Variants in SLC5A4 observed in about 807,000 individuals in gnomAD.
SLC5A4 encodes solute carrier family 5 member 4, also known as probable glucose sensor protein SLC5A4.
Under a neutral mutation model 70.3 loss-of-function variants are expected in SLC5A4, and 55 were observed. The observed-to-expected ratio is 0.78, with a 90% confidence interval of 0.63 to 0.98. The LOEUF is 0.98. Among genes scored for constraint, SLC5A4 ranks in the 50% least tolerant of loss-of-function variants. The pLI is 0.00. For synonymous variants in SLC5A4, 268 were observed against 305.7 expected, an observed-to-expected ratio of 0.88 and a Z score of 1.29; for missense variants, 735 against 839.2, an observed-to-expected ratio of 0.88 and a Z score of 1.53.
chr22:32,257,495 C>T (rs752411462), upstream of SLC5A4, among the ~76,000 whole-genome samples: 8 of 152,006 alleles, frequency 5.3e-5, no homozygotes, highest in Non-Finnish European at 1.0e-4. Flanking sequence ...GCTGGGACCA[C>T]AGGCACATGC....
the SLC5A4 span, among the ~76,000 whole-genome samples, chr22:32,263,537 A>G: frequency 6.6e-6 from 1 of 152,234 alleles, no homozygotes; most frequent in Admixed American, 6.5e-5. Context: ...ATCATTAAAA[A>G]GTCAGGAAAC....
At chr22:32,280,431 A>C in the SLC5A4 span, among the ~76,000 whole-genome samples, 1 of 152,060 alleles carries the variant, frequency 6.6e-6, no homozygotes, top group South Asian at 2.1e-4. Context: ...TTGGACCCAC[A>C]CATAGAGCTC....
At chr22:32,294,322 C>T in the SLC5A4 span, among the ~76,000 whole-genome samples, 1 of 152,180 alleles carries the variant, frequency 6.6e-6, no homozygotes, top group Non-Finnish European at 1.5e-5. Flanking sequence ...CCAGTTGTAT[C>T]TAATCTGATT....
chr22:32,279,541 A>T, the SLC5A4 span, among the ~76,000 whole-genome samples: 1 of 152,234 alleles, frequency 6.6e-6, no homozygotes, highest in South Asian at 2.1e-4. Flanking sequence ...CTGTAATCCC[A>T]GCACTTTGGG....
At chr22:32,333,501 T>C in the SLC5A4 span, among the ~76,000 whole-genome samples, 1 of 152,074 alleles carries the variant, frequency 6.6e-6, no homozygotes, top group Admixed American at 6.5e-5. Context: ...AGCCCATGCT[T>C]TTTAATCCTT....
At chr22:32,354,105 C>G in the SLC5A4 span, among the ~76,000 whole-genome samples, 1 of 150,412 alleles carries the variant, frequency 6.6e-6, no homozygotes, top group South Asian at 2.1e-4. Context: ...CTCCCTGGCA[C>G]GCAGTACAGA....
chr22:32,335,012 G>A, the SLC5A4 span, among the ~76,000 whole-genome samples: 4 of 152,210 alleles, frequency 2.6e-5, no homozygotes, highest in Non-Finnish European at 4.4e-5. Flanking sequence ...TGGGCAGGGA[G>A]AGAGCGGGGC....
intron 12 of SLC5A4, among the ~76,000 whole-genome samples, chr22:32,224,684 A>ACATAC: frequency 6.6e-6 from 1 of 152,334 alleles, no homozygotes; most frequent in Non-Finnish European, 1.5e-5. Flanking sequence ...CCTGAACTGT[A>ACATAC]CATACCACTG....
At chr22:32,306,655 C>G in the SLC5A4 span, among the ~76,000 whole-genome samples, 1 of 152,164 alleles carries the variant, frequency 6.6e-6, no homozygotes, top group African/African-American at 2.4e-5. Context: ...TTCCATCCCC[C>G]AACCCCTGCC....
the SLC5A4 span, among the ~76,000 whole-genome samples, chr22:32,326,324 T>G: frequency 6.6e-6 from 1 of 151,476 alleles, no homozygotes. Flanking sequence ...TGGCACGATC[T>G]TGGCTCACTG....
chr22:32,327,336 G>GTTC, the SLC5A4 span: 1 of 152,312 alleles, frequency 6.6e-6, no homozygotes, highest in Admixed American at 6.5e-5. Context: ...GGCCAAGATG[G>GTTC]GAACCTTCAT....
chr22:32,251,203 C>T (rs750350983), intron 3 of SLC5A4, among the ~76,000 whole-genome samples: 2 of 116,432 alleles, frequency 1.7e-5, no homozygotes, highest in Non-Finnish European at 3.6e-5. Flanking sequence ...TCTATACAGA[C>T]ACCCAGAAAA....
the SLC5A4 span, among the ~76,000 whole-genome samples, chr22:32,352,357 T>TG: frequency 6.6e-6 from 1 of 150,538 alleles, no homozygotes; most frequent in African/African-American, 2.5e-5. Context: ...ACATGGCACA[T>TG]GGATACATAT....
the SLC5A4 span, among the ~76,000 whole-genome samples, chr22:32,308,783 T>TGTGCTTGTGTGTCC: frequency 6.6e-6 from 1 of 152,176 alleles, no homozygotes; most frequent in African/African-American, 2.4e-5. Context: ...TGTGAGGGCA[T>TGTGCTTGTGTGTCC]GTGCTTGTGT....
the SLC5A4 span, among the ~76,000 whole-genome samples, chr22:32,320,657 T>C: frequency 6.6e-6 from 1 of 152,280 alleles, no homozygotes; most frequent in African/African-American, 2.4e-5. Flanking sequence ...AACCTTAGTC[T>C]TGAATTCCCA....
chr22:32,234,897 A>G lies in SLC5A4; in HGVS notation c.861T>C (p.Ala287=), dbSNP rs1189389501. 6.2e-7 allele frequency: 1 copy of G among 1,612,204 alleles called. No individual in the cohort carries two copies. Residue 287 remains alanine, a synonymous_variant, in exon 8 of 15, where the codon GCT becomes GCC. Coordinates refer to ENST00000266086, the MANE Select transcript of SLC5A4 (RefSeq NM_014227.3). ...CCTGATTTGTGCACCAGTACCACAA[A>G]GCTGTAATGGGCATTCCAAATATAA... The part of the protein sequence containing the change: ...PGIIFGMPIT[A]LWYWCTNQVI...
intron 11 of SLC5A4, among the ~76,000 whole-genome samples, chr22:32,228,585 T>C (rs1051300379): frequency 2.9e-4 from 44 of 151,794 alleles, no homozygotes; most frequent in African/African-American, 9.4e-4. Flanking sequence ...TTCTCGAAAA[T>C]TGTGAAGGTG....
the SLC5A4 span, among the ~76,000 whole-genome samples, chr22:32,292,307 A>G: frequency 1.4e-5 from 2 of 139,804 alleles, no homozygotes; most frequent in Non-Finnish European, 3.1e-5. Context: ...TAGATATTAT[A>G]TATATTTTTC....
chr22:32,280,078 C>T, the SLC5A4 span, among the ~76,000 whole-genome samples: 1 of 152,320 alleles, frequency 6.6e-6, no homozygotes, highest in African/African-American at 2.4e-5. Flanking sequence ...TGCAATGGCA[C>T]GATCTCTGCT....
Sources: allele counts gnomAD v4.1 joint callset (sites outside exome capture counted in the v4.1 genomes callset), GRCh38; gene constraint gnomAD v4.1.1; transcripts MANE v1.5; gene names NCBI Gene and HGNC (gene_info 2026-07-23, HGNC 2026-07-21).